INSR: variants seen among roughly 807,000 people sequenced by gnomAD.
INSR encodes IR.
A neutral mutation model predicts 142.6 loss-of-function variants in INSR; 67 were observed. The observed-to-expected ratio is 0.47, with a 90% CI of 0.39 to 0.58. The LOEUF (loss-of-function observed/expected upper bound fraction) is 0.58. Ranked by LOEUF, INSR falls within the 20% of genes least tolerant of loss-of-function variation. The probability of loss-of-function intolerance (pLI) is 0.00; values close to 1 mark genes in which losing one functional copy is unlikely to be tolerated. For missense variants in INSR, 1,248 were observed against 1,833.2 expected (o/e 0.68, Z 5.83); for synonymous variants, 756 against 743.1 (o/e 1.02, Z -0.28).
chr19:7,158,039 C>A (rs915473695), intron 9 of INSR, among the ~76,000 whole-genome samples: 1 of 129,732 alleles, frequency 7.7e-6, no homozygotes, highest in African/African-American at 2.9e-5. Context: ...ATAAGGGAAG[C>A]TCCTGGTATT....
At chr19:7,186,585 C>A (rs1352085708) in intron 2 of INSR, among the ~76,000 whole-genome samples, 1 of 152,180 alleles carries the variant, frequency 6.6e-6, no homozygotes, top group East Asian at 1.9e-4. Flanking sequence ...ATCACCACCA[C>A]CCATCTCCAG....
At chr19:7,131,312 T>C (rs11878560) in intron 14 of INSR, among the ~76,000 whole-genome samples, 26,100 of 151,800 alleles carry the variant, frequency 0.17, 2,829 homozygotes, top group African/African-American at 0.31. Flanking sequence ...CAAAATTATC[T>C]GTACAGCAAA....
At chr19:7,263,382 G>A (rs1352287208) in intron 2 of INSR, among the ~76,000 whole-genome samples, 1 of 152,060 alleles carries the variant, frequency 6.6e-6, no homozygotes, top group Non-Finnish European at 1.5e-5. Flanking sequence ...TGCTCTCAAA[G>A]ACAGGGGCAA....
In INSR at chr19:7,251,997, G is replaced by T. The variant is rs145256989; in HGVS notation, c.652+15348C>A. Among the ~76,000 whole-genome samples, 236 of 152,278 alleles carry T rather than the reference G, an allele frequency of 1.5e-3. 4 individuals are homozygous for T. Among genetic ancestry groups the T allele is most frequent in the African/African-American group, 4.9e-3 (205 of 41,532 alleles). On this transcript the variant is annotated intron_variant, in intron 2 of 21. Transcript: ENST00000302850. ...CTTCGAAAGAAGTGAAAATAGCCCAGGTGCGGTGGCTCACGCCTGTAATTG... is the reference window on the plus strand; with the variant it reads ...CTTCGAAAGAAGTGAAAATAGCCCATGTGCGGTGGCTCACGCCTGTAATTG...
chr19:7,152,547 C>T (rs1973398970), intron 10 of INSR, 179 bp downstream of exon 10: 5 of 688,338 alleles, frequency 7.3e-6, no homozygotes, highest in Non-Finnish European at 7.8e-6. Context: ...TGATAAAATT[C>T]CCCTCGAAAT....
intron 2 of INSR, among the ~76,000 whole-genome samples, chr19:7,197,759 GT>G: frequency 1.0e-4 from 2 of 19,804 alleles, no homozygotes; most frequent in African/African-American, 2.1e-4. Flanking sequence ...CAGAGTGGGA[GT>G]GTGTGTGTGT....
intron 1 of INSR, among the ~76,000 whole-genome samples, chr19:7,289,794 G>A (rs909047420): frequency 6.6e-6 from 1 of 152,156 alleles, no homozygotes; most frequent in Non-Finnish European, 1.5e-5. Flanking sequence ...CTGCAGAGAC[G>A]TGCCTGGCAA....
At chr19:7,127,126 G>A (rs1972665343) in intron 15 of INSR, among the ~76,000 whole-genome samples, 1 of 151,998 alleles carries the variant, frequency 6.6e-6, no homozygotes, top group Non-Finnish European at 1.5e-5. Flanking sequence ...TTGAACTCTT[G>A]GTCTCAAGTG....
intron 1 of INSR, among the ~76,000 whole-genome samples, chr19:7,290,615 A>G (rs2145256981): frequency 6.6e-6 from 1 of 152,134 alleles, no homozygotes; most frequent in Non-Finnish European, 1.5e-5. Context: ...TCTACTAAAA[A>G]TACAAAAATT....
At chr19:7,273,868 C>T (rs1967990493) in intron 1 of INSR, among the ~76,000 whole-genome samples, 2 of 151,858 alleles carry the variant, frequency 1.3e-5, no homozygotes, top group Non-Finnish European at 2.9e-5. Context: ...TGGCTCACAC[C>T]TGTAATCCCA....
intron 2 of INSR, among the ~76,000 whole-genome samples, chr19:7,213,905 G>A (rs1021930491): frequency 8.6e-5 from 13 of 152,036 alleles, no homozygotes; most frequent in African/African-American, 3.1e-4. Context: ...CAGGAGAATC[G>A]CTTGAACCCG....
At chr19:7,146,015 T>C (rs947462554) in intron 11 of INSR, among the ~76,000 whole-genome samples, 1 of 152,186 alleles carries the variant, frequency 6.6e-6, no homozygotes, top group Non-Finnish European at 1.5e-5. Flanking sequence ...TTTCTCTAAG[T>C]TAGGAATTTT....
At chr19:7,242,504 G>T in intron 2 of INSR, among the ~76,000 whole-genome samples, 1 of 122,396 alleles carries the variant, frequency 8.2e-6, no homozygotes, top group African/African-American at 5.9e-5. Flanking sequence ...AAAGGCTGAG[G>T]AGGAGGGCAG....
intron 2 of INSR, among the ~76,000 whole-genome samples, chr19:7,214,255 A>T (rs186977732): frequency 3.5e-4 from 53 of 152,244 alleles, no homozygotes; most frequent in African/African-American, 1.3e-3. Context: ...TGGGGCTCGG[A>T]ACTTGTTTCT....
chr19:7,207,933 G>GAAGGAAGC (rs1236220740), intron 2 of INSR, among the ~76,000 whole-genome samples: 4 of 122,244 alleles, frequency 3.3e-5, no homozygotes, highest in Non-Finnish European at 5.0e-5. Flanking sequence ...AGGAAGGAAG[G>GAAGGAAGC]AAGGAAGGGA....
chr19:7,183,786 C>T (rs34840745), intron 3 of INSR, among the ~76,000 whole-genome samples: 47,334 of 151,654 alleles, frequency 0.31, 7,849 homozygotes, highest in South Asian at 0.43. Context: ...AGACTGGGTG[C>T]GGTGGCTCAC....
At chr19:7,215,514 A>C (rs1375365642) in intron 2 of INSR, among the ~76,000 whole-genome samples, 2 of 151,800 alleles carry the variant, frequency 1.3e-5, no homozygotes, top group Non-Finnish European at 2.9e-5. Context: ...TAAAGCTTGG[A>C]AACGCCAGCA....
Position 7,172,294 on chromosome 19 carries a change from T to A in INSR, c.1264A>T (p.Ile422Phe). The part of the protein sequence containing the change: ...LRLIRGETLE[I>F]GNYSFYALDN... ...CACACAATCAGGCCCACGTACCCAA[T>A]TTCCAAGGTCTCTCCTCGAATCAGA... Residue 422 changes from isoleucine to phenylalanine, a missense_variant, in exon 5 of 22, where the codon ATT becomes TTT. Physicochemically the swap from Ile to Phe is conservative, Grantham distance 21. Around this residue, in one of 3 missense-constraint regions of INSR, gnomAD observed 1,069 missense variants for 1,654.0 expected, o/e 0.65. Transcript: ENST00000302850. 6.2e-7 allele frequency: 1 copy of A among 1,614,054 alleles called. No homozygotes were observed. Among genetic ancestry groups the A allele is most frequent in the Non-Finnish European group, 8.5e-7 (1 of 1,179,994 alleles).
At chr19:7,255,509 T>TC (rs1213539461) in intron 2 of INSR, among the ~76,000 whole-genome samples, 7 of 151,374 alleles carry the variant, frequency 4.6e-5, no homozygotes, top group East Asian at 1.9e-4. Flanking sequence ...TCTTTTCTTT[T>TC]TTTTTTTTTT....
Sources: allele counts gnomAD v4.1 joint callset (sites outside exome capture counted in the v4.1 genomes callset), GRCh38; gene constraint gnomAD v4.1.1; regional missense constraint gnomAD v4.1.1; transcripts MANE v1.5; gene names NCBI Gene and HGNC (gene_info 2026-07-23, HGNC 2026-07-21).